The following LHFPL3 variants were observed in gnomAD, a reference collection of about 807,000 sequenced individuals.
LHFPL3 encodes LHFPL tetraspan subfamily member 3, also known as LHFPL tetraspan subfamily member 3 protein.
LHFPL3 carries 5 observed loss-of-function variants against 19.3 expected under a neutral mutation model. The observed-to-expected ratio is 0.26, with a 90% confidence interval of 0.14 to 0.54. LHFPL3 has a LOEUF of 0.54. Ranked by LOEUF, LHFPL3 falls within the 20% of genes least tolerant of loss-of-function variation. The probability of loss-of-function intolerance (pLI) is 0.94; values close to 1 mark genes in which losing one functional copy is unlikely to be tolerated. For synonymous variants in LHFPL3, 133 were observed against 126.2 expected (o/e 1.05, Z -0.36); for missense variants, 249 against 307.4 (o/e 0.81, Z 1.42).
chr7:104,353,575 T>C (rs2116394277), intron 1 of LHFPL3, among the ~76,000 whole-genome samples: 1 of 152,318 alleles, frequency 6.6e-6, no homozygotes, highest in Non-Finnish European at 1.5e-5. Flanking sequence ...AGATAAAGGG[T>C]AATTCTGAAT....
intron 1 of LHFPL3, among the ~76,000 whole-genome samples, chr7:104,515,922 T>A (rs977420628): frequency 6.6e-6 from 1 of 152,080 alleles, no homozygotes; most frequent in African/African-American, 2.4e-5. Context: ...TCAAAACTGT[T>A]CCAACCTCTT....
intron 2 of LHFPL3, among the ~76,000 whole-genome samples, chr7:104,804,369 G>GA (rs1351034572): frequency 1.3e-5 from 2 of 152,200 alleles, no homozygotes; most frequent in Non-Finnish European, 2.9e-5. Flanking sequence ...ATAGCAACCA[G>GA]AAAAAACAAT....
chr7:104,470,763 A>T (rs1562907679), intron 1 of LHFPL3, among the ~76,000 whole-genome samples: 1 of 152,178 alleles, frequency 6.6e-6, no homozygotes, highest in Non-Finnish European at 1.5e-5. Flanking sequence ...TGAAGCTCCA[A>T]CATGACTACA....
intron 1 of LHFPL3, among the ~76,000 whole-genome samples, chr7:104,516,443 A>G (rs41058): frequency 0.8 from 121,020 of 152,056 alleles, 48,517 homozygotes; most frequent in African/African-American, 0.87. Flanking sequence ...AAAGGAGAGC[A>G]CAAATCATTA....
At chr7:104,711,465 C>G (rs749510427) in intron 1 of LHFPL3, among the ~76,000 whole-genome samples, 3 of 152,158 alleles carry the variant, frequency 2.0e-5, no homozygotes, top group African/African-American at 4.8e-5. Context: ...AGGCTTGATT[C>G]AAGATGGAGA....
chr7:104,531,570 C>T (rs1451878105), intron 1 of LHFPL3, among the ~76,000 whole-genome samples: 1 of 152,136 alleles, frequency 6.6e-6, no homozygotes, highest in African/African-American at 2.4e-5. Flanking sequence ...ACAAAGAAAG[C>T]CCGGCCCACC....
intron 1 of LHFPL3, among the ~76,000 whole-genome samples, chr7:104,641,868 T>C (rs1791842658): frequency 6.6e-6 from 1 of 152,168 alleles, no homozygotes; most frequent in East Asian, 1.9e-4. Context: ...TGTAGGTGAT[T>C]ACCGAAGAAA....
chr7:104,716,208 G>A (rs1793383496), intron 1 of LHFPL3, among the ~76,000 whole-genome samples: 1 of 152,064 alleles, frequency 6.6e-6, no homozygotes, highest in South Asian at 2.1e-4. Flanking sequence ...TTAGCCAGGT[G>A]TGATGGCTTG....
chr7:104,511,485 A>C (rs1166780156), intron 1 of LHFPL3, among the ~76,000 whole-genome samples: 1 of 152,194 alleles, frequency 6.6e-6, no homozygotes, highest in Non-Finnish European at 1.5e-5. Context: ...CAGAGAAATG[A>C]AGACTTGTGT....
Position 104,865,763 on chromosome 7 carries a change from C to T in LHFPL3, c.683-40424C>T, listed in dbSNP as rs183054651. On this transcript the variant is annotated intron_variant, in intron 2 of 2. Coordinates refer to ENST00000424859, the MANE Select transcript of LHFPL3 (RefSeq NM_199000.3). ...CTCCTCGAGAAGAGCAACTCCAAGA[C>T]ACATAATTCTCAGATTCACCAAAAT... Among the ~76,000 whole-genome samples, 294 of 152,222 alleles carry T rather than the reference C, an allele frequency of 1.9e-3. 1 individual carries two copies. Among genetic ancestry groups the T allele is most frequent in the African/African-American group, 6.9e-3 (286 of 41,514 alleles).
At chr7:104,697,602 T>A (rs920841001) in intron 1 of LHFPL3, among the ~76,000 whole-genome samples, 5 of 152,250 alleles carry the variant, frequency 3.3e-5, no homozygotes, top group Non-Finnish European at 5.9e-5. Context: ...TAATAATTCA[T>A]TTGACTTTTC....
intron 1 of LHFPL3, among the ~76,000 whole-genome samples, chr7:104,368,081 G>A (rs1454676750): frequency 6.6e-6 from 1 of 152,210 alleles, no homozygotes; most frequent in Non-Finnish European, 1.5e-5. Context: ...TCCATAGAGA[G>A]AAGTATTGAG....
chr7:104,372,972 C>CAAAGTT (rs915031777), intron 1 of LHFPL3, among the ~76,000 whole-genome samples: 4 of 128,964 alleles, frequency 3.1e-5, no homozygotes, highest in Non-Finnish European at 6.5e-5. Flanking sequence ...CATGCTTTCC[C>CAAAGTT]AAAGTTTTCC....
intron 1 of LHFPL3, among the ~76,000 whole-genome samples, chr7:104,579,548 A>G (rs1790415369): frequency 6.6e-6 from 1 of 152,184 alleles, no homozygotes; most frequent in Admixed American, 6.5e-5. Context: ...ACATTTTTAA[A>G]TCCAGTCCAC....
At chr7:104,528,360 A>T (rs1177050661) in intron 1 of LHFPL3, among the ~76,000 whole-genome samples, 1 of 152,220 alleles carries the variant, frequency 6.6e-6, no homozygotes, top group Non-Finnish European at 1.5e-5. Context: ...CAATGTTGTA[A>T]TAAGGAAATT....
chr7:104,740,583 G>A (rs1231786364), intron 2 of LHFPL3, among the ~76,000 whole-genome samples: 2 of 152,168 alleles, frequency 1.3e-5, no homozygotes, highest in African/African-American at 4.8e-5. Context: ...TGGCTGGGGA[G>A]GTCTCACAAT....
chr7:104,774,537 A>G (rs1794610715), intron 2 of LHFPL3, among the ~76,000 whole-genome samples: 1 of 152,248 alleles, frequency 6.6e-6, no homozygotes, highest in African/African-American at 2.4e-5. Flanking sequence ...CCAGTAATAC[A>G]GAGAGAAAGG....
intron 1 of LHFPL3, among the ~76,000 whole-genome samples, chr7:104,472,265 T>C (rs1178583162): frequency 3.3e-5 from 5 of 152,024 alleles, no homozygotes; most frequent in Non-Finnish European, 5.9e-5. Context: ...ATCACCTTCA[T>C]GCCACCGATG....
intron 1 of LHFPL3, among the ~76,000 whole-genome samples, chr7:104,584,315 G>T (rs552441681): frequency 4.6e-5 from 7 of 151,970 alleles, no homozygotes; most frequent in South Asian, 2.1e-4. Context: ...TTGTGGGGTG[G>T]GGGGAGAGGG....
Sources: allele counts gnomAD v4.1 joint callset (sites outside exome capture counted in the v4.1 genomes callset), GRCh38; gene constraint gnomAD v4.1.1; transcripts MANE v1.5; gene names NCBI Gene and HGNC (gene_info 2026-07-23, HGNC 2026-07-21).